ARHGAP15: variants seen among roughly 807,000 people sequenced by gnomAD.
The protein encoded by ARHGAP15 is Rho GTPase activating protein 15.
In ARHGAP15, 51 loss-of-function variants were observed where a neutral mutation model predicts 63.7. That is an observed-to-expected ratio of 0.80 (90% CI 0.64 to 1.01). The LOEUF (loss-of-function observed/expected upper bound fraction) is 1.01. Ranked by LOEUF, ARHGAP15 falls within the 50% of genes least tolerant of loss-of-function variation. The pLI, the probability that ARHGAP15 is intolerant of heterozygous loss-of-function variation, is 0.00. For missense variants in ARHGAP15, 560 were observed against 564.6 expected (o/e 0.99, Z 0.08); for synonymous variants, 191 against 193.8 (o/e 0.99, Z 0.12).
chr2:143,328,082 G>A (rs1483969868), intron 6 of ARHGAP15, among the ~76,000 whole-genome samples: 1 of 152,060 alleles, frequency 6.6e-6, no homozygotes, highest in Non-Finnish European at 1.5e-5. Flanking sequence ...CAGTCATTAA[G>A]TCAGGAAACA....
At chr2:143,629,965 A>G (rs1209958941) in intron 12 of ARHGAP15, among the ~76,000 whole-genome samples, 1 of 152,144 alleles carries the variant, frequency 6.6e-6, no homozygotes, top group African/African-American at 2.4e-5. Context: ...AAATATAAAT[A>G]CTTTGTATCA....
At chr2:143,526,661 G>T (rs4560052) in intron 10 of ARHGAP15, among the ~76,000 whole-genome samples, 50,628 of 151,934 alleles carry the variant, frequency 0.33, 8,642 homozygotes, top group East Asian at 0.42. Flanking sequence ...AATAATCTTG[G>T]CTGAAAGTTA....
intron 6 of ARHGAP15, among the ~76,000 whole-genome samples, chr2:143,432,016 G>C (rs941503574): frequency 6.6e-6 from 1 of 151,938 alleles, no homozygotes; most frequent in Non-Finnish European, 1.5e-5. Context: ...CTGATGAGGT[G>C]TATCTATCTA....
At chr2:143,302,176 A>C (rs1001985544) in intron 6 of ARHGAP15, among the ~76,000 whole-genome samples, 12 of 151,932 alleles carry the variant, frequency 7.9e-5, no homozygotes, top group Non-Finnish European at 4.4e-5. Context: ...TATGAATATC[A>C]GATGTCTATA....
At chr2:143,445,447 C>T (rs534992071) in intron 8 of ARHGAP15, among the ~76,000 whole-genome samples, 12 of 152,138 alleles carry the variant, frequency 7.9e-5, no homozygotes, top group African/African-American at 2.9e-4. Context: ...AGGCGTGAGC[C>T]GCTGCACCCA....
At chr2:143,372,608 G>A (rs904140372) in intron 6 of ARHGAP15, among the ~76,000 whole-genome samples, 1 of 151,974 alleles carries the variant, frequency 6.6e-6, no homozygotes, top group Non-Finnish European at 1.5e-5. Context: ...ATGGGAGTTA[G>A]GAAGATTCTT....
At chr2:143,599,662 A>G (rs928749360) in intron 11 of ARHGAP15, among the ~76,000 whole-genome samples, 4 of 152,192 alleles carry the variant, frequency 2.6e-5, no homozygotes, top group Admixed American at 6.6e-5. Context: ...TGTCTCAGAG[A>G]CCAGAAAACA....
intron 6 of ARHGAP15, among the ~76,000 whole-genome samples, chr2:143,260,297 G>T (rs1340431993): frequency 6.6e-6 from 1 of 152,100 alleles, no homozygotes; most frequent in African/African-American, 2.4e-5. Context: ...GAACCAATTA[G>T]AATTAGGATA....
At chr2:143,724,392 C>T (rs915899674) in intron 13 of ARHGAP15, among the ~76,000 whole-genome samples, 2 of 152,158 alleles carry the variant, frequency 1.3e-5, no homozygotes, top group African/African-American at 4.8e-5. Flanking sequence ...TCTAAATCAT[C>T]GAAGAGACAA....
chr2:143,638,669 T>TTAAAAAAAAAAAAAAAAAAAAAA (rs1680456713), intron 12 of ARHGAP15, among the ~76,000 whole-genome samples: 1 of 70,268 alleles, frequency 1.4e-5, no homozygotes, highest in East Asian at 5.7e-4. Flanking sequence ...AATAAATAAA[T>TTAAAAAAAAAAAAAAAAAAAAAA]AAAAGAAAAA....
chr2:143,696,714 A>C (rs1023074102), intron 12 of ARHGAP15, among the ~76,000 whole-genome samples: 1 of 152,216 alleles, frequency 6.6e-6, no homozygotes, highest in African/African-American at 2.4e-5. Flanking sequence ...GGGCTTGTTT[A>C]TTCAAAAAAA....
At chr2:143,259,960 G>C (rs1680635007) in intron 6 of ARHGAP15, among the ~76,000 whole-genome samples, 1 of 152,086 alleles carries the variant, frequency 6.6e-6, no homozygotes, top group Non-Finnish European at 1.5e-5. Flanking sequence ...GAATATACAT[G>C]AGATGCTTTA....
intron 12 of ARHGAP15, among the ~76,000 whole-genome samples, chr2:143,667,582 T>TAAAA (rs71338146): frequency 2.7e-4 from 37 of 138,950 alleles, no homozygotes; most frequent in African/African-American, 5.4e-4. Flanking sequence ...TAAAAAAAAT[T>TAAAA]AAAAAAAAAA....
At chr2:143,535,950 GT>G (rs754251363) in intron 10 of ARHGAP15, among the ~76,000 whole-genome samples, 4 of 151,846 alleles carry the variant, frequency 2.6e-5, no homozygotes, top group Admixed American at 1.3e-4. Context: ...GATAATGTAT[GT>G]TTTTTTCACA....
At chr2:143,236,104 A>G (rs1026001476) in intron 5 of ARHGAP15, 8 of 1,095,264 alleles carry the variant, frequency 7.3e-6, no homozygotes, top group Non-Finnish European at 9.8e-6. Context: ...ACAGTTAACA[A>G]CTCCTACCAG....
chr2:143,486,801 A>G (rs1047315988), intron 8 of ARHGAP15, among the ~76,000 whole-genome samples: 1 of 152,178 alleles, frequency 6.6e-6, no homozygotes, highest in African/African-American at 2.4e-5. Context: ...ACATGGAAAA[A>G]GTTTGAGGCA....
chr2:143,207,401 A>C (rs1398650909), intron 3 of ARHGAP15, among the ~76,000 whole-genome samples: 3 of 151,800 alleles, frequency 2.0e-5, no homozygotes, highest in Non-Finnish European at 2.9e-5. Context: ...TTTACCTTGC[A>C]ATTTATCTCT....
At chr2:143,506,267 A>G (rs986529853) in intron 9 of ARHGAP15, among the ~76,000 whole-genome samples, 2 of 152,204 alleles carry the variant, frequency 1.3e-5, no homozygotes, top group African/African-American at 4.8e-5. Flanking sequence ...TTTAGTCCAT[A>G]TAAGTTGTGC....
At chr2:143,452,947 A>T (rs1048624722) in intron 8 of ARHGAP15, among the ~76,000 whole-genome samples, 1 of 151,988 alleles carries the variant, frequency 6.6e-6, no homozygotes, top group African/African-American at 2.4e-5. Flanking sequence ...AAGGACAATT[A>T]CTATGTCAAA....
Sources: gnomAD v4.1 joint callset for allele counts (sites outside exome capture counted in the v4.1 genomes callset) on GRCh38, gnomAD v4.1.1 for gene constraint, MANE v1.5 for transcripts, NCBI Gene and HGNC (gene_info 2026-07-23, HGNC 2026-07-21) for gene names.